The following SVEP1 variants were observed in gnomAD, a reference collection of about 807,000 sequenced individuals.
The protein encoded by SVEP1 is sushi, von Willebrand factor type A, EGF and pentraxin domain-containing protein 1.
SVEP1 carries 164 observed loss-of-function variants against 367.3 expected under a neutral mutation model. The ratio of observed to expected loss-of-function variants is 0.45; its 90% confidence interval spans 0.39 to 0.51. The LOEUF is 0.51. SVEP1 is among the 20% of genes least tolerant of loss of function. The pLI is 0.00. For missense variants in SVEP1, 4,117 were observed against 4,425.3 expected, an observed-to-expected ratio of 0.93 and a Z score of 1.98; for synonymous variants, 1,666 against 1,611.6, an observed-to-expected ratio of 1.03 and a Z score of -0.81.
At position 110,434,735 on chromosome 9, in the gene SVEP1, A is replaced by T. The variant is rs1211774948; in HGVS notation, c.4889-229T>A. ...TCTTTCAAAATATTTTAGGAATGTC[A>T]ATGAAATGTTCTTGTAAGTTATCAA... is the stretch of plus-strand genomic sequence containing the variant. On this transcript the variant is annotated intron_variant, in intron 29 of 47. Coordinates refer to ENST00000374469, the MANE Select transcript of SVEP1 (RefSeq NM_153366.4). 2.0e-5 allele frequency among the ~76,000 whole-genome samples: 3 copies of T among 148,172 alleles called. No homozygotes were observed. The East Asian group carries it at 6.1e-4, about 30-fold the overall frequency.
At chr9:110,560,853 C>CTTGAAAA (rs1830418494) in intron 1 of SVEP1, among the ~76,000 whole-genome samples, 1 of 152,160 alleles carries the variant, frequency 6.6e-6, no homozygotes, top group Admixed American at 6.5e-5. Flanking sequence ...TTCAGTCTGG[C>CTTGAAAA]TTCTTGAAAA....
chr9:110,387,466 C>T lies in SVEP1; in HGVS notation c.9887-8G>A, dbSNP rs756410094. 1.9e-6 allele frequency: 3 copies of T among 1,592,688 alleles called. No homozygotes were observed. Among genetic ancestry groups the T allele is most frequent in the African/African-American group, 2.7e-5 (2 of 73,486 alleles). On this transcript the variant is annotated splice_polypyrimidine_tract_variant and splice_region_variant and intron_variant, in intron 41 of 47. Transcript: ENST00000374469. ...GAGTTTCACACCTGGTCTCTAAAAA[C>T]AAGAATAAAAGCCTCATATTAATTG...
intron 3 of SVEP1, among the ~76,000 whole-genome samples, chr9:110,523,241 A>G (rs1829899403): frequency 6.6e-6 from 1 of 152,170 alleles, no homozygotes; most frequent in Non-Finnish European, 1.5e-5. Context: ...ATTCTCTGCA[A>G]GTCGTCTTCA....
intron 20 of SVEP1, chr9:110,458,058 G>T: frequency 2.2e-6 from 1 of 451,976 alleles, no homozygotes; most frequent in Non-Finnish European, 4.4e-6. Flanking sequence ...TTTTCCCCAA[G>T]AAATCTTTTC....
intron 1 of SVEP1, among the ~76,000 whole-genome samples, chr9:110,558,010 T>G (rs992937286): frequency 6.6e-6 from 1 of 151,446 alleles, no homozygotes; most frequent in African/African-American, 2.4e-5. Context: ...TGTTTAATTT[T>G]AATTAACTTA....
chr9:110,466,634 G>A (rs1325530568), intron 17 of SVEP1, among the ~76,000 whole-genome samples: 8 of 149,588 alleles, frequency 5.3e-5, no homozygotes, highest in African/African-American at 9.8e-5. Flanking sequence ...AGTGGCGGGC[G>A]CCTGTAGTCC....
chr9:110,406,362 A>G lies in SVEP1; in HGVS notation c.9238T>C (p.Ser3080Pro). ...IPNAFISETSSWKENVITYSC... is the reference protein window; with the variant it reads ...IPNAFISETSPWKENVITYSC... Reference sequence around the variant, plus strand: ...TAAGTTATCACATTTTCCTTCCAAGAGCTGGTCTCACTGATGAACGCATTT... The same window carrying G: ...TAAGTTATCACATTTTCCTTCCAAGGGCTGGTCTCACTGATGAACGCATTT... The change falls in exon 38 of 48, where the codon TCT (serine) becomes CCT (proline). Residue 3080 changes from serine to proline, a missense_variant. Ser to Pro is a moderately conservative substitution (Grantham distance 74, BLOSUM62 -1). Coordinates refer to ENST00000374469, the MANE Select transcript of SVEP1 (RefSeq NM_153366.4). 1 of 1,614,060 alleles carries G rather than the reference A, an allele frequency of 6.2e-7. No homozygotes were observed. Among genetic ancestry groups the G allele is most frequent in the Non-Finnish European group, 8.5e-7 (1 of 1,179,902 alleles).
rs531978000 is a variant in SVEP1 at position 110,468,686 on chromosome 9, T to G, written c.3160+254A>C. On this transcript the variant is annotated intron_variant, in intron 17 of 47. Transcript: ENST00000374469. ...GCTTATTCCCAATAGGTCATTCTAC[T>G]CCACAACTATCCTCTTCTTTATCCA... Among the ~76,000 whole-genome samples the G allele has an allele frequency of 3.9e-5, 6 of 152,368 alleles. No individual in the cohort carries two copies. In the South Asian group the frequency reaches 1.2e-3, roughly 32 times the overall value.
chr9:110,554,739 T>C (rs1830335120), intron 1 of SVEP1, among the ~76,000 whole-genome samples: 1 of 151,988 alleles, frequency 6.6e-6, no homozygotes, highest in African/African-American at 2.4e-5. Context: ...TGTGTGTGTG[T>C]GTGTGTGTGT....
chr9:110,423,538 A>G (rs1436300838), intron 36 of SVEP1, among the ~76,000 whole-genome samples: 1 of 152,186 alleles, frequency 6.6e-6, no homozygotes, highest in Non-Finnish European at 1.5e-5. Flanking sequence ...AATGCTTTCT[A>G]AAGTCTTCAA....
intron 40 of SVEP1, among the ~76,000 whole-genome samples, chr9:110,398,225 A>G (rs1045617926): frequency 6.6e-6 from 1 of 152,158 alleles, no homozygotes; most frequent in Non-Finnish European, 1.5e-5. Context: ...AAACCTGACA[A>G]AAACAAGAAA....
intron 5 of SVEP1, among the ~76,000 whole-genome samples, chr9:110,512,090 C>T (rs925450744): frequency 1.3e-5 from 2 of 152,082 alleles, no homozygotes; most frequent in African/African-American, 4.8e-5. Context: ...CCCACATATA[C>T]TAAAATATTA....
In SVEP1 at chr9:110,509,759, G is replaced by A. The variant is rs566902142; in HGVS notation, c.1303+3167C>T. 1.4e-4 allele frequency among the ~76,000 whole-genome samples: 22 copies of A among 152,252 alleles called. 1 individual carries two copies. Among genetic ancestry groups the A allele is most frequent in the South Asian group, 6.2e-4 (3 of 4,824 alleles). ...ATGTACATCAACGTATACATTTATC[G>A]ATATGTGTATTTGTTAACTTCAAGT... On this transcript the variant is annotated intron_variant, in intron 5 of 47. Transcript: ENST00000374469.
At chr9:110,493,211 T>G (rs1829396364) in intron 8 of SVEP1, among the ~76,000 whole-genome samples, 1 of 151,032 alleles carries the variant, frequency 6.6e-6, no homozygotes, top group African/African-American at 2.4e-5. Context: ...TGTAAGGGGT[T>G]GGGGAGGGGG....
At chr9:110,440,513 T>A (rs1250766138) in intron 27 of SVEP1, among the ~76,000 whole-genome samples, 1 of 152,228 alleles carries the variant, frequency 6.6e-6, no homozygotes, top group Non-Finnish European at 1.5e-5. Context: ...TTCTAAGAGA[T>A]GATAATTCTA....
At chr9:110,532,731 T>C (rs1035867222) in intron 3 of SVEP1, among the ~76,000 whole-genome samples, 1 of 152,124 alleles carries the variant, frequency 6.6e-6, no homozygotes, top group Non-Finnish European at 1.5e-5. Flanking sequence ...GTTTGTAGCC[T>C]CTCAGGGGCT....
intron 43 of SVEP1, among the ~76,000 whole-genome samples, chr9:110,384,681 C>T (rs1230104475): frequency 6.6e-6 from 1 of 151,484 alleles, no homozygotes; most frequent in Non-Finnish European, 1.5e-5. Context: ...CCCTCAGACT[C>T]AGAGAAGTAA....
chr9:110,497,865 T>TGAA (rs1829475110), intron 7 of SVEP1, among the ~76,000 whole-genome samples: 1 of 152,236 alleles, frequency 6.6e-6, no homozygotes, highest in Non-Finnish European at 1.5e-5. Flanking sequence ...CACGTCTTCT[T>TGAA]GTTTCTTCAA....
At chr9:110,439,115 C>T (rs1417775285) in intron 27 of SVEP1, among the ~76,000 whole-genome samples, 2 of 152,184 alleles carry the variant, frequency 1.3e-5, no homozygotes, top group Non-Finnish European at 2.9e-5. Context: ...TATGTTGAAG[C>T]CCTAACTCCC....
Sources: allele counts gnomAD v4.1 joint callset (sites outside exome capture counted in the v4.1 genomes callset), GRCh38; gene constraint gnomAD v4.1.1; transcripts MANE v1.5; gene names NCBI Gene and HGNC (gene_info 2026-07-23, HGNC 2026-07-21).